PLEC: variants seen among roughly 807,000 people sequenced by gnomAD.
The protein encoded by PLEC is plectin.
Under a neutral mutation model 392.8 loss-of-function variants are expected in PLEC, and 216 were observed. The ratio of observed to expected loss-of-function variants is 0.55; its 90% CI spans 0.49 to 0.62. The LOEUF (loss-of-function observed/expected upper bound fraction) is 0.62, where lower values mean the gene tolerates loss of function less well. Ranked by LOEUF, PLEC falls within the 20% of genes least tolerant of loss-of-function variation. PLEC has a pLI of 0.00. For synonymous variants in PLEC, 3,621 were observed against 2,980.6 expected (o/e 1.21, Z -7.00); for missense variants, 6,863 against 6,563.4 (o/e 1.05, Z -1.58).
chr8:143,927,241 C>T lies in PLEC; in HGVS notation c.3840+11G>A, dbSNP rs782746634. ...CGGACTTGGGGCCTGGTGCAGGCGG[C>T]TGGGCCTCACCTTGATGGCGTTGAT... On this transcript the variant is annotated intron_variant, in intron 28 of 31. Transcript: ENST00000345136. 1.9e-6 allele frequency: 3 copies of T among 1,612,082 alleles called. No homozygotes were observed. In the East Asian group the frequency reaches 6.7e-5, roughly 36 times the overall value.
At chr8:143,926,938 T>C in intron 29 of PLEC, 39 bp downstream of exon 29, 1 of 1,605,572 alleles carries the variant, frequency 6.2e-7, no homozygotes, top group African/African-American at 1.3e-5. Flanking sequence ...GCCAGAGGCC[T>C]GCCAGCCCCT....
rs75207384 is a variant in PLEC at position 143,971,199 on chromosome 8, G to C, written c.70+2204C>G. 2.2e-3 allele frequency among the ~76,000 whole-genome samples: 335 copies of C among 152,318 alleles called. 2 individuals carry two copies. Among genetic ancestry groups the C allele is most frequent in the Non-Finnish European group, 4.0e-3 (270 of 68,002 alleles). On this transcript the variant is annotated intron_variant, in intron 1 of 31. Transcript: ENST00000356346. ...GTGAGGGTCAGACAGGGAGTTGTCT[G>C]TGAGAGGGCACAGTGAGGTGGAACC...
At chr8:143,968,540 A>G (rs1176439904) in intron 1 of PLEC, among the ~76,000 whole-genome samples, 1 of 149,758 alleles carries the variant, frequency 6.7e-6, no homozygotes, top group Non-Finnish European at 1.5e-5. Flanking sequence ...AAAAAAAAAA[A>G]AAAAAAAGAC....
At chr8:143,942,274 C>A (rs1383742663), upstream of PLEC, 7 of 1,258,100 alleles carry the variant, frequency 5.6e-6, no homozygotes, top group Non-Finnish European at 5.6e-6. Context: ...AAGGCTGCAC[C>A]GGGCCAAGGC....
Position 143,924,705 on chromosome 8 carries a change from C to G in PLEC, c.5224G>C (p.Glu1742Gln). 1 of 1,534,476 alleles carries G rather than the reference C, an allele frequency of 6.5e-7. No individual in the cohort carries two copies. The highest frequency in any genetic ancestry group is 8.7e-7 in the Non-Finnish European group (1 of 1,146,104). ...CGTTTCTGCGTGGCTGCAGCCGCCT[C>G]ACGCTGCAGCCGGGCCAGCTCCTCC... is the stretch of plus-strand genomic sequence containing the variant. ...LEEELARLQR[E>Q]AAAATQKRQE... The change falls in exon 31 of 32, where the codon GAG becomes CAG. Residue 1742 changes from glutamate (E) to glutamine (Q), a missense_variant. By Grantham distance (29) the Glu-to-Gln change is conservative. Coordinates refer to ENST00000345136, the MANE Select transcript of PLEC (RefSeq NM_201384.3).
At chr8:143,946,318 C>T in intron 1 of PLEC, 1 of 1,285,240 alleles carries the variant, frequency 7.8e-7, no homozygotes, top group Non-Finnish European at 1.0e-6. Flanking sequence ...CTCTCCTCTG[C>T]CTCCCACAGC....
chr8:143,965,084 C>T (rs1249022774), intron 1 of PLEC, among the ~76,000 whole-genome samples: 2 of 151,194 alleles, frequency 1.3e-5, no homozygotes, highest in African/African-American at 4.9e-5. Context: ...GACACACCAG[C>T]CTGCCCAAGA....
intron 2 of PLEC, 67 bp downstream of exon 2, chr8:143,938,564 G>A: frequency 6.4e-7 from 1 of 1,568,490 alleles, no homozygotes. Flanking sequence ...GGGCGGCAGG[G>A]GCCACCCTCC....
chr8:143,932,147 C>T lies in PLEC; in HGVS notation c.2065G>A (p.Ala689Thr), dbSNP rs782024848. The part of the protein sequence containing the change: ...GDRLLREDHP[A>T]RPTVESFQAA... ...AGCCCCACCTCCACCGTGGGCCGGG[C>T]CGGGTGGTCCTCCCGCAGCAGCCGG... The change falls in exon 17 of 32, where the codon GCC (alanine) becomes ACC (threonine). Residue 689 changes from alanine (A) to threonine (T), a missense_variant. Ala to Thr is a moderately conservative substitution (Grantham distance 58). Transcript: ENST00000345136. 2.3e-5 allele frequency: 37 copies of T among 1,611,264 alleles called. No individual in the cohort carries two copies. The South Asian group carries it at 4.0e-4, about 17-fold the overall frequency.
Position 143,920,029 on chromosome 8 carries a change from C to A in PLEC, c.9792G>T (p.Ala3264=), listed in dbSNP as rs781913512. Residue 3264 remains alanine (A), a synonymous_variant, in exon 32 of 32, where the codon GCG becomes GCT. Coordinates refer to ENST00000345136, the MANE Select transcript of PLEC (RefSeq NM_201384.3). Reference sequence around the variant, plus strand: ...GACGCAACAGCTCCTGCCGCTGCTCCGCAGTGAAGTACTCAGAGCTGATGA... The same window carrying A: ...GACGCAACAGCTCCTGCCGCTGCTCAGCAGTGAAGTACTCAGAGCTGATGA... ...WELISSEYFT[A]EQRQELLRQF... 6.2e-7 allele frequency: 1 copy of A among 1,613,208 alleles called. No individual in the cohort carries two copies. Among genetic ancestry groups the A allele is most frequent in the Non-Finnish European group, 8.5e-7 (1 of 1,180,024 alleles).
At chr8:143,947,999 C>G (rs1554733189) in intron 1 of PLEC, among the ~76,000 whole-genome samples, 1 of 152,236 alleles carries the variant, frequency 6.6e-6, no homozygotes, top group Non-Finnish European at 1.5e-5. Flanking sequence ...TCTCCTCACC[C>G]AGTTCACCCC....
chr8:143,950,214 T>G, exon 1 of PLEC: 1 of 1,548,828 alleles, frequency 6.5e-7, no homozygotes, highest in Non-Finnish European at 8.7e-7. Context: ...GGGCCTGGCC[T>G]GGCCAGGGTC....
Position 143,924,329 on chromosome 8 carries a change from C to T in PLEC, c.5600G>A (p.Arg1867Gln), listed in dbSNP as rs368361284. 1.3e-5 allele frequency: 20 copies of T among 1,596,304 alleles called. No homozygotes were observed. The highest frequency in any genetic ancestry group is 1.5e-5 in the Non-Finnish European group (18 of 1,178,504). Reference protein sequence around the residue: ...KEKEAENERLRRLAEDEAFQR... With the variant: ...KEKEAENERLQRLAEDEAFQR... ...GAAGGCCTCGTCCTCCGCCAGCCGC[C>T]GCAGGCGCTCGTTCTCCGCCTCCTT... The change falls in exon 31 of 32, where the codon CGG becomes CAG. Residue 1867 changes from arginine (R) to glutamine (Q), a missense_variant. Arg to Gln is a conservative substitution (Grantham distance 43). Transcript: ENST00000345136.
chr8:143,955,592 CTGTT>C (rs1336570615), upstream of PLEC, among the ~76,000 whole-genome samples: 1 of 151,710 alleles, frequency 6.6e-6, no homozygotes, highest in East Asian at 1.9e-4. Flanking sequence ...TTAAAAAATG[CTGTT>C]TTTTTTTTGT....
At position 143,919,875 on chromosome 8, in the gene PLEC, C is replaced by T. The variant is rs373500873; in HGVS notation, c.9946G>A (p.Glu3316Lys). ...CTGAGGACCCCGGAAGCCAGGAGCT[C>T]GCTGGCTGGCACAGGGGCACGGAGG... ...SGLRAPVPASELLASGVLSRA... is the reference protein window; with the variant it reads ...SGLRAPVPASKLLASGVLSRA... Residue 3316 changes from glutamate (E) to lysine (K), a missense_variant, in exon 32 of 32, where the codon GAG becomes AAG. Transcript: ENST00000345136. 21 of 1,613,024 alleles carry T rather than the reference C, an allele frequency of 1.3e-5. No individual in the cohort carries two copies. The highest frequency in any genetic ancestry group is 2.2e-5 in the East Asian group (1 of 44,898).
rs782382178 is a variant in PLEC, at chr8:143,921,136, G to GACC, written c.8682_8684dup (p.Val2895dup). On this transcript the variant is annotated inframe_insertion, in exon 32 of 32. Transcript: ENST00000345136. ...CGTCCCGGGCCTCGGAGTCAGTGTAGACCAGCTCCCCGCCCTTGGCAGCCT... is the reference window on the plus strand; with the variant it reads ...CGTCCCGGGCCTCGGAGTCAGTGTAGACCACCAGCTCCCCGCCCTTGGCAGCCT... The GACC allele has an allele frequency of 3.7e-6, 6 of 1,613,178 alleles. No homozygotes were observed. Among genetic ancestry groups the GACC allele is most frequent in the Admixed American group, 3.3e-5 (2 of 60,016 alleles).
Position 143,929,509 on chromosome 8 carries a change from G to A in PLEC, c.2986C>T (p.Leu996=), listed in dbSNP as rs782253745. 1 of 1,612,248 alleles carries A rather than the reference G, an allele frequency of 6.2e-7. No individual in the cohort carries two copies. The change falls in exon 24 of 32, where the codon CTG becomes TTG. Residue 996 remains leucine (L), a synonymous_variant. Coordinates refer to ENST00000345136, the MANE Select transcript of PLEC (RefSeq NM_201384.3). ...ACGGTGCGCGTCTCACAGGCCTCCA[G>A]CTGCAGCCGGATGTCTTTGAGCTCG... is the stretch of plus-strand genomic sequence containing the variant. ...ISELKDIRLQ[L]EACETRTVHR...
chr8:143,941,176 G>C (rs567590630), upstream of PLEC, among the ~76,000 whole-genome samples: 461 of 152,340 alleles, frequency 3.0e-3, 2 homozygotes, highest in African/African-American at 0.011. Flanking sequence ...CTGGGTATGG[G>C]CTCTGGGGGC....
rs896023315 is a variant in PLEC, at chr8:143,916,383, C to A, written c.13438G>T (p.Val4480Phe). Residue 4480 changes from valine (V) to phenylalanine (F), a missense_variant, in exon 32 of 32, where the codon GTC (valine) becomes TTC (phenylalanine). Val to Phe is a conservative substitution (Grantham distance 50). Transcript: ENST00000345136. ...STKGYYSPYS[V>F]SGSGSTAGSR... ...CCAGCGGTAGAGCCGGAGCCGCTGA[C>A]GCTGTAGGGGCTGTAGTAGCCCTTG... 5 of 1,610,674 alleles carry A rather than the reference C, an allele frequency of 3.1e-6. No individual in the cohort carries two copies. The South Asian group carries it at 3.3e-5, about 11-fold the overall frequency.
Sources: allele counts gnomAD v4.1 joint callset (sites outside exome capture counted in the v4.1 genomes callset), GRCh38; gene constraint gnomAD v4.1.1; transcripts MANE v1.5; gene names NCBI Gene and HGNC (gene_info 2026-07-23, HGNC 2026-07-21).